The following TRMT9B variants were observed in gnomAD, a reference collection of about 807,000 sequenced individuals.
The protein encoded by TRMT9B is probable tRNA methyltransferase 9B.
Under a neutral mutation model 11.5 loss-of-function variants are expected in TRMT9B, and 16 were observed. That is an observed-to-expected ratio of 1.39 (90% CI 0.94 to 2.11). The LOEUF is 2.11. Among genes scored for constraint, TRMT9B ranks in the 30% most tolerant of loss-of-function variants. TRMT9B has a pLI of 0.00. For synonymous variants in TRMT9B, 274 were observed against 192.4 expected (o/e 1.42, Z -3.51); for missense variants, 941 against 553.8 (o/e 1.70, Z -7.02).
intron 1 of TRMT9B, among the ~76,000 whole-genome samples, chr8:12,965,623 T>TC (rs200681050): frequency 0.018 from 2,768 of 152,148 alleles, 80 homozygotes; most frequent in African/African-American, 0.063. Flanking sequence ...GATTTTTTTT[T>TC]TTTTTAAGCC....
intron 4 of TRMT9B, among the ~76,000 whole-genome samples, chr8:13,019,059 G>A (rs567941): frequency 0.066 from 10,061 of 152,164 alleles, 417 homozygotes; most frequent in African/African-American, 0.11. Context: ...CTCTGCATTC[G>A]TCAGTGAATG....
In TRMT9B at chr8:13,028,565, T is replaced by TTTTCTTTTTTCC; in HGVS notation, c.*6529_*6530insTTCCTTTCTTTT. ...TGGCTAAGTGATAAGCACTTTTCTC[T>TTTTCTTTTTTCC]TTTCTTTTCTTTTTTTTTTTTTTTT... On this transcript the variant is annotated 3_prime_UTR_variant, in exon 5 of 5. Transcript: ENST00000524591. 1.1e-5 allele frequency: 1 copy of TTTTCTTTTTTCC among 94,670 alleles called. No individual in the cohort carries two copies. 5.9% of individuals were successfully genotyped at this position (94,670 alleles called of 1,614,324 possible).
rs138684071 is a variant in TRMT9B, at chr8:12,992,831, T to C, written c.-2+1800T>C. On this transcript the variant is annotated intron_variant, in intron 2 of 4. Coordinates refer to ENST00000524591, the MANE Select transcript of TRMT9B (RefSeq NM_020844.3). ...TTGCAGTGAGCAGAGATCATGCCACTACACTCCAGCCTAGGAGACAGAGCA... is the reference window on the plus strand; with the variant it reads ...TTGCAGTGAGCAGAGATCATGCCACCACACTCCAGCCTAGGAGACAGAGCA... Among the ~76,000 whole-genome samples the C allele has an allele frequency of 2.9e-3, 444 of 152,256 alleles. 2 individuals are homozygous for C. Among genetic ancestry groups the C allele is most frequent in the African/African-American group, 0.01 (427 of 41,548 alleles).
intron 2 of TRMT9B, among the ~76,000 whole-genome samples, chr8:12,999,038 C>T (rs146023634): frequency 6.6e-6 from 1 of 152,122 alleles, no homozygotes; most frequent in Admixed American, 6.5e-5. Flanking sequence ...CAGTGGCTCA[C>T]GCCTGTAATC....
chr8:13,024,768 T>C lies in TRMT9B; in HGVS notation c.*2724T>C, dbSNP rs3739301. 9.6e-5 allele frequency: 16 copies of C among 166,852 alleles called. No homozygotes were observed. The highest frequency in any genetic ancestry group is 3.4e-4 in the African/African-American group (14 of 41,414). The allele number at this position is 166,852 out of a possible 1,614,324, so 10.3% of individuals were successfully genotyped here. A position where few individuals can be genotyped will look rare whatever the true frequency, so the allele number is the denominator to read the frequency against. ...AAAGCATGCTGACTAATAAGTCTTTTACTCTTCATCTAATGAACATAAGAA... is the reference window on the plus strand; with the variant it reads ...AAAGCATGCTGACTAATAAGTCTTTCACTCTTCATCTAATGAACATAAGAA... On this transcript the variant is annotated 3_prime_UTR_variant, in exon 5 of 5. Coordinates refer to ENST00000524591, the MANE Select transcript of TRMT9B (RefSeq NM_020844.3).
rs61736893 is a variant in TRMT9B at position 13,021,246 on chromosome 8, C to T, written c.567C>T (p.Pro189=). ...GTGGATACCCAGAAAGAGGCCATCC[C>T]TACCATCCTCCTTGCTCTGAGTGTA... ...RQCGYPERGH[P]YHPPCSECSC... is the part of the protein sequence containing the mutation. The change falls in exon 5 of 5, where the codon CCC becomes CCT. Residue 189 remains proline, a synonymous_variant. Transcript: ENST00000524591. The T allele has an allele frequency of 7.0e-3, 11,246 of 1,613,932 alleles. 667 individuals are homozygous for T. In the African/African-American group the frequency reaches 0.13, roughly 19 times the overall value.
intron 1 of TRMT9B, among the ~76,000 whole-genome samples, chr8:12,953,634 G>T (rs1800928472): frequency 1.3e-5 from 2 of 152,180 alleles, no homozygotes. Flanking sequence ...CTAACGAATG[G>T]TTAACTTGTT....
intron 1 of TRMT9B, among the ~76,000 whole-genome samples, chr8:12,968,009 T>A (rs1028571234): frequency 6.6e-6 from 1 of 152,218 alleles, no homozygotes; most frequent in Non-Finnish European, 1.5e-5. Flanking sequence ...CTCAGCCTCC[T>A]GAGCAGCTGG....
chr8:13,004,024 G>A (rs1052546693), intron 2 of TRMT9B, among the ~76,000 whole-genome samples: 7 of 151,700 alleles, frequency 4.6e-5, no homozygotes, highest in African/African-American at 1.7e-4. Flanking sequence ...GTGAAACACC[G>A]TATCGAACTC....
rs1802288051 is a variant in TRMT9B, at chr8:12,962,683, G to A, written c.-200+16717G>A. On this transcript the variant is annotated intron_variant, in intron 1 of 4. Transcript: ENST00000524591. ...TTTTTATATTTTTTGTAGAGACGGG[G>A]TCTCGCTATGTTGTCCAGGCTGGTC... Among the ~76,000 whole-genome samples, 3 of 152,192 alleles carry A rather than the reference G, an allele frequency of 2.0e-5. No homozygotes were observed. The South Asian group carries it at 6.2e-4, about 32-fold the overall frequency.
rs761393815 is a variant in TRMT9B at position 13,021,032 on chromosome 8, A to G, written c.353A>G (p.Gln118Arg). ...GTCATACATCATTTTTCTACAAAAC[A>G]AAGAAGAATCAGAGCAATAAAAGAA... ...IGVIHHFSTK[Q>R]RRIRAIKEMA... Residue 118 changes from glutamine to arginine, a missense_variant, in exon 5 of 5, where the codon CAA (glutamine) becomes CGA (arginine). Transcript: ENST00000524591. The G allele has an allele frequency of 4.5e-6, 7 of 1,561,910 alleles. No homozygotes were observed. In the African/African-American group the frequency reaches 8.2e-5, roughly 18 times the overall value.
chr8:12,961,147 A>G (rs1384253153), intron 1 of TRMT9B, among the ~76,000 whole-genome samples: 1 of 152,078 alleles, frequency 6.6e-6, no homozygotes, highest in Non-Finnish European at 1.5e-5. Flanking sequence ...CTCAAAACAA[A>G]CAAACAAACA....
At chr8:13,007,252 A>T (rs1306052387) in intron 3 of TRMT9B, 2 of 152,216 alleles carry the variant, frequency 1.3e-5, no homozygotes, top group Admixed American at 6.5e-5. Flanking sequence ...GTGTTTCATT[A>T]TAGGAGCGCA....
intron 4 of TRMT9B, among the ~76,000 whole-genome samples, chr8:13,019,759 G>T (rs570451795): frequency 1.7e-4 from 26 of 152,162 alleles, no homozygotes; most frequent in Non-Finnish European, 2.9e-4. Context: ...TCTTCTTTTC[G>T]GGAGTGGGTG....
chr8:13,021,606 G>A lies in TRMT9B; in HGVS notation c.927G>A (p.Glu309=). The A allele has an allele frequency of 6.2e-7, 1 of 1,613,886 alleles. No individual in the cohort carries two copies. Among genetic ancestry groups the A allele is most frequent in the African/African-American group, 1.3e-5 (1 of 75,020 alleles). The change falls in exon 5 of 5, where the codon GAG becomes GAA. Residue 309 remains glutamate (E), a synonymous_variant. Transcript: ENST00000524591. The part of the protein sequence containing the change: ...PFSTKGQSLD[E]EVFVESSSGK... ...CAACAAAAGGGCAAAGTTTAGATGA[G>A]GAAGTGTTTGTGGAATCTTCTTCTG...
chr8:13,025,156 G>A lies in TRMT9B; in HGVS notation c.*3112G>A, dbSNP rs758684935. The A allele has an allele frequency of 1.1e-4, 18 of 166,746 alleles. No individual in the cohort carries two copies. Among genetic ancestry groups the A allele is most frequent in the Non-Finnish European group, 1.8e-4 (12 of 68,090 alleles). The allele number at this position is 166,746 out of a possible 1,614,324, so 10.3% of individuals were successfully genotyped here. A position where few individuals can be genotyped will look rare whatever the true frequency, so the allele number is the denominator to read the frequency against. On this transcript the variant is annotated 3_prime_UTR_variant, in exon 5 of 5. Transcript: ENST00000524591. ...CTTATTCCTTCTTCTTTACTTACTG[G>A]CATCAGCACAGAGTCCCACTATCTG...
At chr8:12,989,480 G>C (rs531634888) in intron 1 of TRMT9B, among the ~76,000 whole-genome samples, 1 of 152,162 alleles carries the variant, frequency 6.6e-6, no homozygotes, top group Non-Finnish European at 1.5e-5. Flanking sequence ...CAAGCCTCCT[G>C]CCCAGGTAGC....
At chr8:12,990,325 TA>T in intron 1 of TRMT9B, among the ~76,000 whole-genome samples, 1 of 152,312 alleles carries the variant, frequency 6.6e-6, no homozygotes, top group South Asian at 2.1e-4. Flanking sequence ...TTTGGTGCAT[TA>T]TTTTTTTAAT....
chr8:12,975,758 A>G (rs1804350539), intron 1 of TRMT9B, among the ~76,000 whole-genome samples: 2 of 152,018 alleles, frequency 1.3e-5, no homozygotes, highest in Admixed American at 1.3e-4. Flanking sequence ...AAAAATAAAA[A>G]TAAAAATAAA....
Sources: gnomAD v4.1 joint callset for allele counts (sites outside exome capture counted in the v4.1 genomes callset) on GRCh38, gnomAD v4.1.1 for gene constraint, MANE v1.5 for transcripts, NCBI Gene and HGNC (gene_info 2026-07-23, HGNC 2026-07-21) for gene names.